The following FBLN1 variants were observed in gnomAD, a reference collection of about 807,000 sequenced individuals.
FBLN1 encodes the protein fibulin-1.
In FBLN1, 34 loss-of-function variants were observed where a neutral mutation model predicts 89.7. The observed-to-expected ratio is 0.38, with a 90% CI of 0.29 to 0.50. FBLN1 has a LOEUF of 0.50. FBLN1 is among the 20% of genes least tolerant of loss of function. FBLN1 has a pLI of 0.92. For missense variants in FBLN1, 777 were observed against 988.1 expected (o/e 0.79, Z 2.86); for synonymous variants, 393 against 391.3 (o/e 1.00, Z -0.05).
At position 45,600,745 on chromosome 22, in the gene FBLN1, G is replaced by A. The variant is rs928256767; in HGVS notation, c.*299G>A. The A allele has an allele frequency of 2.3e-6, 1 of 432,096 alleles. No homozygotes were observed. The highest frequency in any genetic ancestry group is 2.0e-5 in the African/African-American group (1 of 49,726). 26.8% of individuals were successfully genotyped at this position (432,096 alleles called of 1,614,324 possible). A position where few individuals can be genotyped will look rare whatever the true frequency, so the allele number is the denominator to read the frequency against. On this transcript the variant is annotated 3_prime_UTR_variant, in exon 17 of 17. Transcript: ENST00000327858. ...TGGGCCTTGCTAAGGGCCAAGGAAA[G>A]AAAGACATTTTTTAGGGGGCAGCCA...
At chr22:45,573,093 G>T (rs1262766091) in intron 14 of FBLN1, among the ~76,000 whole-genome samples, 3 of 152,094 alleles carry the variant, frequency 2.0e-5, no homozygotes, top group Non-Finnish European at 2.9e-5. Flanking sequence ...AGGCATGATG[G>T]TGCATGCCTG....
intron 16 of FBLN1, among the ~76,000 whole-genome samples, chr22:45,585,516 A>G (rs3788661): frequency 0.36 from 54,592 of 152,166 alleles, 11,694 homozygotes; most frequent in Admixed American, 0.52. Context: ...GTCCCTGCCC[A>G]ACGATGAGTG....
At chr22:45,510,493 C>T (rs987101099) in intron 1 of FBLN1, among the ~76,000 whole-genome samples, 6 of 152,138 alleles carry the variant, frequency 3.9e-5, no homozygotes, top group Non-Finnish European at 5.9e-5. Context: ...CCAGGCCTCC[C>T]GGTTCCCAGC....
rs573939709 is a variant in FBLN1, at chr22:45,575,048, C to G, written c.1840+395C>G. On this transcript the variant is annotated intron_variant, in intron 15 of 16. Coordinates refer to ENST00000327858, the MANE Select transcript of FBLN1 (RefSeq NM_006486.3). The surrounding 1 kb of genome is among the most constrained non-coding windows in gnomAD (Gnocchi z 6.3). ...CCACCCGCCTCAGCCTCCCAAAGTG[C>G]TGGGATTACAGGCGTGAGCCACCGC... is the stretch of plus-strand genomic sequence containing the variant. Among the ~76,000 whole-genome samples the G allele has an allele frequency of 2.6e-5, 4 of 152,160 alleles. No homozygotes were observed. The highest frequency in any genetic ancestry group is 5.9e-5 in the Non-Finnish European group (4 of 68,018).
chr22:45,528,187 T>C (rs2088356769), intron 4 of FBLN1, among the ~76,000 whole-genome samples, 178 bp downstream of exon 4: 1 of 152,140 alleles, frequency 6.6e-6, no homozygotes, highest in Non-Finnish European at 1.5e-5. Context: ...AGGAGGGGCA[T>C]TGCAGCTGGA....
In FBLN1 at chr22:45,532,076, G is replaced by T. The variant is rs2088416211; in HGVS notation, c.544+752G>T. Among the ~76,000 whole-genome samples, 1 of 152,204 alleles carries T rather than the reference G, an allele frequency of 6.6e-6. No homozygotes were observed. The highest frequency in any genetic ancestry group is 2.4e-5 in the African/African-American group (1 of 41,448). On this transcript the variant is annotated intron_variant, in intron 5 of 16. Coordinates refer to ENST00000327858, the MANE Select transcript of FBLN1 (RefSeq NM_006486.3). This position sits in a 1 kb window ranked among gnomAD's most constrained non-coding sequence, Gnocchi z 4.2. Reference sequence around the variant, plus strand: ...CTGGCATGTCTAGACCTGCAGATCTGCCTCACAAGCTCTTTCAGTGGTTCC... The same window carrying T: ...CTGGCATGTCTAGACCTGCAGATCTTCCTCACAAGCTCTTTCAGTGGTTCC...
In FBLN1 at chr22:45,576,948, G is replaced by T. The variant is rs1367430237; in HGVS notation, c.1841-29G>T. The T allele has an allele frequency of 2.0e-5, 33 of 1,612,656 alleles. No individual in the cohort carries two copies. Among genetic ancestry groups the T allele is most frequent in the Non-Finnish European group, 2.8e-5 (33 of 1,179,980 alleles). ...ACTGGGGCTGGGGCCAGGCTGTGCT[G>T]AGCCCTTCTCCATTCTGTGCCTCTG... On this transcript the variant is annotated intron_variant, in intron 15 of 16. Transcript: ENST00000327858. The surrounding 1 kb of genome is among the most constrained non-coding windows in gnomAD (Gnocchi z 5.2).
At chr22:45,535,131 T>C in intron 7 of FBLN1, 69 bp from the exon 8 acceptor site, 1 of 1,580,684 alleles carries the variant, frequency 6.3e-7, no homozygotes, top group African/African-American at 1.3e-5. Flanking sequence ...TTTCTTGTGA[T>C]TTTAAAGTGT....
intron 1 of FBLN1, among the ~76,000 whole-genome samples, chr22:45,503,971 G>A (rs1462149853): frequency 1.3e-5 from 2 of 152,142 alleles, no homozygotes. Context: ...GCAGAGCTAT[G>A]ACCTGTGACC....
Position 45,574,378 on chromosome 22 carries a change from G to A in FBLN1, c.1698-133G>A, listed in dbSNP as rs2088975512. On this transcript the variant is annotated intron_variant, in intron 14 of 16. Transcript: ENST00000327858. This position sits in a 1 kb window ranked among gnomAD's most constrained non-coding sequence, Gnocchi z 4.1. Reference sequence around the variant, plus strand: ...CAGCCAGGCTGCAGAGACCACTGTCGTTCTCTGATGGAGCTGTCTCTGGGA... The same window carrying A: ...CAGCCAGGCTGCAGAGACCACTGTCATTCTCTGATGGAGCTGTCTCTGGGA... 11 of 952,780 alleles carry A rather than the reference G, an allele frequency of 1.2e-5. No individual in the cohort carries two copies. The highest frequency in any genetic ancestry group is 1.5e-5 in the Non-Finnish European group (9 of 613,034). 59.0% of individuals were successfully genotyped at this position (952,780 alleles called of 1,614,324 possible).
intron 14 of FBLN1, among the ~76,000 whole-genome samples, chr22:45,567,099 G>C (rs1349267431): frequency 2.0e-5 from 3 of 152,246 alleles, no homozygotes; most frequent in African/African-American, 7.2e-5. Flanking sequence ...CTGGGATTCA[G>C]ACGCAGGCAG....
rs2088987090 is a variant in FBLN1, at chr22:45,575,297, T to G, written c.1840+644T>G. On this transcript the variant is annotated intron_variant, in intron 15 of 16. Coordinates refer to ENST00000327858, the MANE Select transcript of FBLN1 (RefSeq NM_006486.3). The surrounding 1 kb of genome is among the most constrained non-coding windows in gnomAD (Gnocchi z 6.3). ...GATGGCTAGGCTGGGTCCTGAGTGGTGAGGTATTTGAGTGAAAGGGGGAGA... is the reference window on the plus strand; with the variant it reads ...GATGGCTAGGCTGGGTCCTGAGTGGGGAGGTATTTGAGTGAAAGGGGGAGA... 1.3e-5 allele frequency among the ~76,000 whole-genome samples: 2 copies of G among 150,830 alleles called. No homozygotes were observed. Among genetic ancestry groups the G allele is most frequent in the East Asian group, 2.0e-4 (1 of 5,118 alleles).
intron 16 of FBLN1, among the ~76,000 whole-genome samples, chr22:45,587,198 C>T (rs1193843098): frequency 1.3e-5 from 2 of 152,216 alleles, no homozygotes; most frequent in Admixed American, 6.5e-5. Context: ...CCCACACCCA[C>T]AGCCGGCGTT....
chr22:45,531,469 A>G lies in FBLN1; in HGVS notation c.544+145A>G. On this transcript the variant is annotated intron_variant, in intron 5 of 16. Coordinates refer to ENST00000327858, the MANE Select transcript of FBLN1 (RefSeq NM_006486.3). The surrounding 1 kb of genome is among the most constrained non-coding windows in gnomAD (Gnocchi z 4.9). ...CAGGAGGTTGTGGCTGCAGTGAGCTATGACTGCACCTTTGCACTCTAGCCT... is the reference window on the plus strand; with the variant it reads ...CAGGAGGTTGTGGCTGCAGTGAGCTGTGACTGCACCTTTGCACTCTAGCCT... 1.4e-6 allele frequency: 1 copy of G among 717,354 alleles called. No individual in the cohort carries two copies. The highest frequency in any genetic ancestry group is 2.6e-5 in the East Asian group (1 of 38,178). 44.4% of individuals were successfully genotyped at this position (717,354 alleles called of 1,614,324 possible).
rs367690958 is a variant in FBLN1, at chr22:45,519,555, C to T, written c.185+768C>T. 1.5e-3 allele frequency among the ~76,000 whole-genome samples: 211 copies of T among 144,694 alleles called. 2 individuals carry two copies. Among genetic ancestry groups the T allele is most frequent in the South Asian group, 8.0e-3 (36 of 4,510 alleles). The allele number at this position is 144,694 out of a possible 152,430, so 94.9% of individuals were successfully genotyped here. A position where few individuals can be genotyped will look rare whatever the true frequency, so the allele number is the denominator to read the frequency against. On this transcript the variant is annotated intron_variant, in intron 2 of 16. Coordinates refer to ENST00000327858, the MANE Select transcript of FBLN1 (RefSeq NM_006486.3). ...CAGAGAATTGCTTGAACCTGGGAGG[C>T]GGAGGCTGCAGTGAGCTGAGATCGC...
intron 1 of FBLN1, among the ~76,000 whole-genome samples, chr22:45,505,854 C>T (rs1413009659): frequency 6.6e-6 from 1 of 152,176 alleles, no homozygotes; most frequent in Non-Finnish European, 1.5e-5. Flanking sequence ...TCACTGCAAC[C>T]TCCGCCTCCC....
intron 16 of FBLN1, among the ~76,000 whole-genome samples, chr22:45,591,138 G>A (rs560575102): frequency 5.9e-5 from 9 of 152,308 alleles, no homozygotes; most frequent in African/African-American, 2.2e-4. Flanking sequence ...ACAGAGCTTG[G>A]TGGAAGGGGC....
In FBLN1 at chr22:45,535,274, C is replaced by T. The variant is rs767967831; in HGVS notation, c.859C>T (p.Arg287Cys). 5.0e-6 allele frequency: 8 copies of T among 1,614,178 alleles called. No homozygotes were observed. The highest frequency in any genetic ancestry group is 2.2e-5 in the East Asian group (1 of 44,886). The change falls in exon 8 of 17, where the codon CGC becomes TGC. Residue 287 changes from arginine to cysteine, a missense_variant. By Grantham distance (180) the Arg-to-Cys change is radical. Coordinates refer to ENST00000327858, the MANE Select transcript of FBLN1 (RefSeq NM_006486.3). ...FICQNTLGSF[R>C]CRPKLQCKSG... ...CTGTCAGAATACTCTGGGATCCTTC[C>T]GCTGCCGACCCAAGCTACAGTGCAA...
At chr22:45,555,274 T>TATATATATATATATATATAAAATGGA (rs1208162770) in intron 14 of FBLN1, among the ~76,000 whole-genome samples, 2 of 142,658 alleles carry the variant, frequency 1.4e-5, no homozygotes, top group African/African-American at 5.2e-5. Context: ...TAAAATGGAA[T>TATATATATATATATATATAAAATGGA]ATATATATAT....
Sources: gnomAD v4.1 joint callset for allele counts (sites outside exome capture counted in the v4.1 genomes callset) on GRCh38, gnomAD v4.1.1 for gene constraint, Gnocchi (gnomAD v3.1) non-coding constraint, MANE v1.5 for transcripts, NCBI Gene and HGNC (gene_info 2026-07-23, HGNC 2026-07-21) for gene names.